PLPP3: variants seen among roughly 807,000 people sequenced by gnomAD.
The protein encoded by PLPP3 is phospholipid phosphatase 3.
PLPP3 carries 6 observed loss-of-function variants against 29.6 expected under a neutral mutation model. The observed-to-expected ratio is 0.20, with a 90% CI of 0.11 to 0.40. The LOEUF (loss-of-function observed/expected upper bound fraction) is 0.40. Ranked by LOEUF, PLPP3 falls within the 10% of genes least tolerant of loss-of-function variation. The pLI is 1.00. For synonymous variants in PLPP3, 152 were observed against 159.7 expected (o/e 0.95, Z 0.36); for missense variants, 308 against 407.7 (o/e 0.76, Z 2.11).
At chr1:56,554,707 T>C (rs1046227450) in intron 1 of PLPP3, among the ~76,000 whole-genome samples, 6 of 152,192 alleles carry the variant, frequency 3.9e-5, no homozygotes, top group Non-Finnish European at 8.8e-5. Flanking sequence ...TTTGTCTCTG[T>C]GTGAGAGTAT....
At chr1:56,578,788 G>GGCGCGGCGCT (rs1377184063) in intron 1 of PLPP3, 90 bp downstream of exon 1, 20 of 1,239,326 alleles carry the variant, frequency 1.6e-5, no homozygotes, top group Middle Eastern at 3.1e-4. Context: ...GGCGCGGCGC[G>GGCGCGGCGCT]GCGCGGCGCT....
chr1:56,575,278 T>G (rs1173510273), intron 1 of PLPP3, among the ~76,000 whole-genome samples: 1 of 152,194 alleles, frequency 6.6e-6, no homozygotes, highest in Non-Finnish European at 1.5e-5. Context: ...ACCTGAAGCT[T>G]CTGACTCTAA....
intron 2 of PLPP3, among the ~76,000 whole-genome samples, chr1:56,533,498 T>C (rs2100261949): frequency 6.6e-6 from 1 of 152,236 alleles, no homozygotes; most frequent in Non-Finnish European, 1.5e-5. Flanking sequence ...GCAGTAGGAA[T>C]CAGAGGACTC....
At position 56,560,663 on chromosome 1, in the gene PLPP3, C is replaced by G. The variant is rs113764904; in HGVS notation, c.139+18215G>C. Among the ~76,000 whole-genome samples the G allele has an allele frequency of 1.7e-3, 258 of 152,216 alleles. 1 individual carries two copies. Among genetic ancestry groups the G allele is most frequent in the African/African-American group, 6.0e-3 (249 of 41,524 alleles). On this transcript the variant is annotated intron_variant, in intron 1 of 5. Coordinates refer to ENST00000371250, the MANE Select transcript of PLPP3 (RefSeq NM_003713.5). ...GACCTAATTACCTCTTAAAGCCCCC[C>G]CACCTTCCATCACCTTGGTGATTAG...
chr1:56,568,263 G>T (rs1646174837), intron 1 of PLPP3, among the ~76,000 whole-genome samples: 1 of 151,948 alleles, frequency 6.6e-6, no homozygotes, highest in South Asian at 2.1e-4. Context: ...CAAAAAAAAA[G>T]AAAAGATACT....
chr1:56,534,512 G>A (rs1026039525), intron 2 of PLPP3, among the ~76,000 whole-genome samples: 1 of 152,112 alleles, frequency 6.6e-6, no homozygotes, highest in Non-Finnish European at 1.5e-5. Flanking sequence ...ACATTCAGCA[G>A]GAGAAGGCTC....
chr1:56,576,765 G>A lies in PLPP3; in HGVS notation c.139+2113C>T, dbSNP rs911408027. On this transcript the variant is annotated intron_variant, in intron 1 of 5. Coordinates refer to ENST00000371250, the MANE Select transcript of PLPP3 (RefSeq NM_003713.5). ...GTTAGAATATTAGCTTTGGGGGGAC[G>A]GGGGATAGTGGGGAAATGAAGAACT... Among the ~76,000 whole-genome samples the A allele has an allele frequency of 5.9e-5, 9 of 152,096 alleles. No homozygotes were observed. In the South Asian group the frequency reaches 6.2e-4, roughly 11 times the overall value.
intron 5 of PLPP3, among the ~76,000 whole-genome samples, chr1:56,509,759 C>T (rs1178321947): frequency 6.7e-6 from 1 of 148,190 alleles, no homozygotes; most frequent in African/African-American, 2.5e-5. Flanking sequence ...GAATCTTCAA[C>T]CTGAGAGGCA....
chr1:56,557,018 G>GAAAGAAA (rs1273560377), intron 1 of PLPP3, among the ~76,000 whole-genome samples: 11 of 13,794 alleles, frequency 8.0e-4, no homozygotes, highest in Admixed American at 2.4e-3. Context: ...AAGAGAGAGA[G>GAAAGAAA]AGAGAGAAAG....
intron 1 of PLPP3, among the ~76,000 whole-genome samples, chr1:56,549,904 A>G (rs1379400055): frequency 3.3e-5 from 5 of 152,238 alleles, no homozygotes; most frequent in African/African-American, 1.2e-4. Flanking sequence ...CTACCGCTAG[A>G]CACTTTCCTG....
chr1:56,539,788 T>C (rs1023879142), intron 1 of PLPP3, among the ~76,000 whole-genome samples: 3 of 152,182 alleles, frequency 2.0e-5, no homozygotes, highest in Non-Finnish European at 2.9e-5. Flanking sequence ...CATTTTGAAA[T>C]GCAACCAAGT....
At chr1:56,540,788 A>G (rs1269310900) in intron 1 of PLPP3, among the ~76,000 whole-genome samples, 1 of 152,186 alleles carries the variant, frequency 6.6e-6, no homozygotes, top group Non-Finnish European at 1.5e-5. Context: ...TGGGAAAAGC[A>G]TAAACATCCC....
chr1:56,510,847 G>A (rs1310771207), intron 5 of PLPP3, among the ~76,000 whole-genome samples: 1 of 152,122 alleles, frequency 6.6e-6, no homozygotes, highest in East Asian at 1.9e-4. Context: ...CTGCCCCCAA[G>A]AACTTACAGC....
At chr1:56,557,783 T>C (rs991799321) in intron 1 of PLPP3, among the ~76,000 whole-genome samples, 1 of 152,188 alleles carries the variant, frequency 6.6e-6, no homozygotes, top group African/African-American at 2.4e-5. Context: ...TTCGAGGGTT[T>C]TGAAATCTAA....
intron 1 of PLPP3, among the ~76,000 whole-genome samples, chr1:56,574,619 G>A (rs1646223717): frequency 6.6e-6 from 1 of 152,132 alleles, no homozygotes; most frequent in Non-Finnish European, 1.5e-5. Context: ...GTTGATTAAT[G>A]AAAATATGTA....
At chr1:56,523,365 T>C (rs748323728) in intron 4 of PLPP3, among the ~76,000 whole-genome samples, 8 of 152,198 alleles carry the variant, frequency 5.3e-5, no homozygotes, top group Non-Finnish European at 1.2e-4. Context: ...TTTAATTTTC[T>C]GAGACTTACT....
intron 4 of PLPP3, chr1:56,517,034 A>G (rs1645785846): frequency 6.6e-6 from 1 of 152,214 alleles, no homozygotes; most frequent in Non-Finnish European, 1.5e-5. Context: ...TGAGTGTGTG[A>G]GTCACATTCG....
rs143533558 is a variant in PLPP3, at chr1:56,536,972, C to A, written c.280G>T (p.Val94Phe). 1 of 1,613,414 alleles carries A rather than the reference C, an allele frequency of 6.2e-7. No homozygotes were observed. Among genetic ancestry groups the A allele is most frequent in the South Asian group, 1.1e-5 (1 of 91,042 alleles). Residue 94 changes from valine (V) to phenylalanine (F), a missense_variant, in exon 2 of 6, where the codon GTC (valine) becomes TTC (phenylalanine). By Grantham distance (50) the Val-to-Phe change is conservative (BLOSUM62 -1). Coordinates refer to ENST00000371250, the MANE Select transcript of PLPP3 (RefSeq NM_003713.5). ...NDAVLCAVGI[V>F]IAILAIITGE... ...ACACTTACCGCGAGGATGGCAATGA[C>A]GATCCCCACGGCACAGAGCACAGCG...
At chr1:56,512,258 G>T in intron 4 of PLPP3, 106 bp from the exon 5 acceptor site, 3 of 1,087,750 alleles carry the variant, frequency 2.8e-6, no homozygotes, top group Non-Finnish European at 3.8e-6. Context: ...GGATCATCTG[G>T]ACCTTGGGTG....
Sources: gnomAD v4.1 joint callset for allele counts (sites outside exome capture counted in the v4.1 genomes callset) on GRCh38, gnomAD v4.1.1 for gene constraint, MANE v1.5 for transcripts, NCBI Gene and HGNC (gene_info 2026-07-23, HGNC 2026-07-21) for gene names.